KIF26B: variants seen among roughly 807,000 people sequenced by gnomAD.
KIF26B encodes kinesin family member 26B.
Under a neutral mutation model 151.2 loss-of-function variants are expected in KIF26B, and 63 were observed. That is an observed-to-expected ratio of 0.42 (90% CI 0.34 to 0.51). The LOEUF (loss-of-function observed/expected upper bound fraction) is 0.51, where lower values mean the gene tolerates loss of function less well. Among genes scored for constraint, KIF26B ranks in the 20% least tolerant of loss-of-function variants. The pLI is 0.07. For missense variants in KIF26B, 2,813 were observed against 2,913.6 expected (o/e 0.97, Z 0.79); for synonymous variants, 1,357 against 1,262.1 (o/e 1.08, Z -1.59).
At chr1:245,684,002 G>A (rs995855348) in intron 10 of KIF26B, among the ~76,000 whole-genome samples, 1 of 152,188 alleles carries the variant, frequency 6.6e-6, no homozygotes, top group African/African-American at 2.4e-5. Context: ...GGACAGAAGC[G>A]CCAAGGGAGG....
Position 245,698,911 on chromosome 1 carries a change from C to A in KIF26B, c.6052C>A (p.Leu2018Met). Residue 2018 changes from leucine to methionine, a missense_variant, in exon 14 of 15, where the codon CTG becomes ATG. Physicochemically the swap from Leu to Met is conservative, Grantham distance 15. Around this residue, in one of 3 missense-constraint regions of KIF26B, gnomAD observed 2,060 missense variants for 2,088.6 expected, o/e 0.99. Coordinates refer to ENST00000407071, the MANE Select transcript of KIF26B (RefSeq NM_018012.4). This position sits in a 1 kb window ranked among gnomAD's most constrained non-coding sequence, Gnocchi z 4.0. ...SKEAMCFNAK[L>M]KILEHRQQRI... ...GGAGGCCATGTGCTTCAATGCAAAG[C>A]TGAAGATTCTGGAACACCGCCAGCA... 1.2e-6 allele frequency: 2 copies of A among 1,613,980 alleles called. No individual in the cohort carries two copies. Among genetic ancestry groups the A allele is most frequent in the Non-Finnish European group, 1.7e-6 (2 of 1,179,866 alleles).
chr1:245,259,661 C>T (rs1477646083), intron 2 of KIF26B, among the ~76,000 whole-genome samples: 1 of 151,972 alleles, frequency 6.6e-6, no homozygotes, highest in African/African-American at 2.4e-5. Context: ...GCCAGGCAGG[C>T]TGGCTCATGC....
intron 4 of KIF26B, among the ~76,000 whole-genome samples, chr1:245,523,376 C>A (rs1202516697): frequency 6.6e-6 from 1 of 152,184 alleles, no homozygotes; most frequent in Non-Finnish European, 1.5e-5. Flanking sequence ...TGCCCTTGAG[C>A]AATTCTCTAC....
intron 5 of KIF26B, among the ~76,000 whole-genome samples, chr1:245,562,964 C>G (rs746800972): frequency 2.9e-4 from 44 of 152,302 alleles, no homozygotes; most frequent in Non-Finnish European, 5.1e-4. Flanking sequence ...CCTCCTGCCT[C>G]AGCCTCCCAA....
chr1:245,498,295 G>A (rs1660551559), intron 4 of KIF26B, among the ~76,000 whole-genome samples: 1 of 152,200 alleles, frequency 6.6e-6, no homozygotes, highest in African/African-American at 2.4e-5. Context: ...GGGCAACTCA[G>A]GTGATAAGTC....
Position 245,270,305 on chromosome 1 carries a change from TCC to T in KIF26B, c.466-96527_466-96526del, listed in dbSNP as rs1444328883. Among the ~76,000 whole-genome samples the T allele has an allele frequency of 2.9e-4, 28 of 96,380 alleles. 11 individuals carry two copies. The highest frequency in any genetic ancestry group is 6.3e-4 in the South Asian group (2 of 3,190). The allele number at this position is 96,380 out of a possible 152,430, so 63.2% of individuals were successfully genotyped here. A position where few individuals can be genotyped will look rare whatever the true frequency, so the allele number is the denominator to read the frequency against. ...TCTTTCCTTCCCTTCCCTTCCATCT[TCC>T]CTTCCCCTCCTTCACTTCCTTTTTC... On this transcript the variant is annotated intron_variant, in intron 2 of 14. Coordinates refer to ENST00000407071, the MANE Select transcript of KIF26B (RefSeq NM_018012.4).
chr1:245,158,621 CAG>C (rs1668484335), intron 2 of KIF26B, among the ~76,000 whole-genome samples: 1 of 152,206 alleles, frequency 6.6e-6, no homozygotes, highest in African/African-American at 2.4e-5. Context: ...GGGGCAGTCA[CAG>C]GGGATCACTT....
At chr1:245,458,661 T>G (rs188239632) in intron 4 of KIF26B, among the ~76,000 whole-genome samples, 1 of 152,206 alleles carries the variant, frequency 6.6e-6, no homozygotes, top group Non-Finnish European at 1.5e-5. Context: ...ATCTTGTACA[T>G]GTACATGTTA....
At chr1:245,472,846 T>C (rs1376911633) in intron 4 of KIF26B, among the ~76,000 whole-genome samples, 1 of 152,224 alleles carries the variant, frequency 6.6e-6, no homozygotes, top group Non-Finnish European at 1.5e-5. Context: ...GCTACTGAAA[T>C]GATCATTTAT....
chr1:245,295,467 G>T (rs938184106), intron 2 of KIF26B, among the ~76,000 whole-genome samples: 2 of 152,160 alleles, frequency 1.3e-5, no homozygotes, highest in Non-Finnish European at 1.5e-5. Context: ...CGTATCATGG[G>T]TTCCTGTCCT....
At chr1:245,247,186 C>T (rs181866654) in intron 2 of KIF26B, among the ~76,000 whole-genome samples, 14 of 151,722 alleles carry the variant, frequency 9.2e-5, no homozygotes, top group Non-Finnish European at 1.8e-4. Context: ...CATGGTGGCT[C>T]GTGCCTGTAA....
chr1:245,697,990 A>G (rs2044715791), intron 12 of KIF26B, 116 bp from the exon 13 acceptor site: 2 of 888,118 alleles, frequency 2.3e-6, no homozygotes, highest in South Asian at 1.8e-5. Flanking sequence ...GCAGTGAGCT[A>G]TGGATCGCAC....
At position 245,318,849 on chromosome 1, in the gene KIF26B, T is replaced by C. The variant is rs1671830738; in HGVS notation, c.466-47985T>C. Among the ~76,000 whole-genome samples, 1 of 151,378 alleles carries C rather than the reference T, an allele frequency of 6.6e-6. No individual in the cohort carries two copies. The highest frequency in any genetic ancestry group is 2.1e-4 in the South Asian group (1 of 4,790). On this transcript the variant is annotated intron_variant, in intron 2 of 14. Coordinates refer to ENST00000407071, the MANE Select transcript of KIF26B (RefSeq NM_018012.4). This position sits in a 1 kb window ranked among gnomAD's most constrained non-coding sequence, Gnocchi z 4.0. ...GTTTCTCGGTCACAAGGGAAACTTT[T>C]ACTATTTGAAATCAGCCTGAGCCAA...
At chr1:245,298,186 C>T (rs1160919620) in intron 2 of KIF26B, among the ~76,000 whole-genome samples, 1 of 152,176 alleles carries the variant, frequency 6.6e-6, no homozygotes, top group Non-Finnish European at 1.5e-5. Flanking sequence ...CGCGCCCAGC[C>T]CTAATGTTCT....
rs1475240956 is a variant in KIF26B at position 245,185,616 on chromosome 1, A to G, written c.465+28933A>G. Among the ~76,000 whole-genome samples, 5 of 152,322 alleles carry G rather than the reference A, an allele frequency of 3.3e-5. No homozygotes were observed. The South Asian group carries it at 8.3e-4, about 25-fold the overall frequency. The stretch of plus-strand genomic sequence containing the variant: ...GAGTGGGACACTCCAACTGTGTGTC[A>G]CAGGAATGAGCTGTCATCTGGCAAT... On this transcript the variant is annotated intron_variant, in intron 2 of 14. Transcript: ENST00000407071.
chr1:245,402,444 C>A (rs1038429101), intron 3 of KIF26B, among the ~76,000 whole-genome samples: 3 of 152,134 alleles, frequency 2.0e-5, no homozygotes, highest in Admixed American at 6.5e-5. Context: ...ATGTGGCCAA[C>A]GATTCCCATG....
intron 9 of KIF26B, among the ~76,000 whole-genome samples, chr1:245,625,739 T>G (rs2043716622): frequency 6.6e-6 from 1 of 152,132 alleles, no homozygotes; most frequent in Admixed American, 6.5e-5. Flanking sequence ...AACTGTGTAT[T>G]TGTAACTGTT....
chr1:245,352,435 TG>T lies in KIF26B; in HGVS notation c.466-14398del, dbSNP rs1389339671. Among the ~76,000 whole-genome samples, 1 of 152,170 alleles carries T rather than the reference TG, an allele frequency of 6.6e-6. No homozygotes were observed. The highest frequency in any genetic ancestry group is 1.5e-5 in the Non-Finnish European group (1 of 68,042). On this transcript the variant is annotated intron_variant, in intron 2 of 14. Coordinates refer to ENST00000407071, the MANE Select transcript of KIF26B (RefSeq NM_018012.4). The surrounding 1 kb of genome is among the most constrained non-coding windows in gnomAD (Gnocchi z 5.0). ...CCCACCACCACACCTGGCTAATTTT[TG>T]TATTTTCAGTAGAGATGGGTTTTCA...
At chr1:245,652,139 TGTGTGTGAGA>T (rs200624638) in intron 10 of KIF26B, among the ~76,000 whole-genome samples, 3,857 of 100,208 alleles carry the variant, frequency 0.038, 57 homozygotes, top group South Asian at 0.051. Flanking sequence ...TGTGTGTGTG[TGTGTGTGAGA>T]GAGACATATG....
Sources: allele counts gnomAD v4.1 joint callset (sites outside exome capture counted in the v4.1 genomes callset), GRCh38; gene constraint gnomAD v4.1.1; regional missense constraint gnomAD v4.1.1; non-coding constraint Gnocchi (gnomAD v3.1); transcripts MANE v1.5; gene names NCBI Gene and HGNC (gene_info 2026-07-23, HGNC 2026-07-21).